BRINP3: variants seen among roughly 807,000 people sequenced by gnomAD.
The protein encoded by BRINP3 is BMP/retinoic acid-inducible neural-specific protein 3.
BRINP3 carries 19 observed loss-of-function variants against 71.0 expected under a neutral mutation model. The observed-to-expected ratio is 0.27, with a 90% CI of 0.19 to 0.39. BRINP3 has a LOEUF of 0.39. Ranked by LOEUF, BRINP3 falls within the 10% of genes least tolerant of loss-of-function variation. The pLI is 1.00. For missense variants in BRINP3, 959 were observed against 940.8 expected (o/e 1.02, Z -0.25); for synonymous variants, 380 against 337.7 (o/e 1.13, Z -1.37).
At chr1:190,313,721 T>C (rs544365544) in intron 2 of BRINP3, among the ~76,000 whole-genome samples, 173 of 152,134 alleles carry the variant, frequency 1.1e-3, no homozygotes, top group African/African-American at 3.2e-3. Context: ...GGATTCTTCT[T>C]ATATTTCAAA....
chr1:190,164,270 A>G (rs541785093), intron 6 of BRINP3, among the ~76,000 whole-genome samples: 1 of 152,302 alleles, frequency 6.6e-6, no homozygotes, highest in East Asian at 1.9e-4. Flanking sequence ...TAAGTTTTCT[A>G]GAGTTTTGAG....
intron 4 of BRINP3, among the ~76,000 whole-genome samples, chr1:190,252,787 T>C (rs138231916): frequency 6.6e-6 from 1 of 152,052 alleles, no homozygotes; most frequent in East Asian, 1.9e-4. Flanking sequence ...ATTATTATTA[T>C]TATTATTATT....
At chr1:190,456,285 A>G (rs1558303546) in intron 1 of BRINP3, among the ~76,000 whole-genome samples, 1 of 152,210 alleles carries the variant, frequency 6.6e-6, no homozygotes, top group Non-Finnish European at 1.5e-5. Context: ...TGAACTCTTA[A>G]TATCACGATA....
chr1:190,413,792 A>G, intron 2 of BRINP3, among the ~76,000 whole-genome samples: 1 of 152,186 alleles, frequency 6.6e-6, no homozygotes, highest in East Asian at 1.9e-4. Context: ...AGAGAAACTA[A>G]CATACCATCT....
At chr1:190,463,935 C>T (rs969428315) in intron 1 of BRINP3, among the ~76,000 whole-genome samples, 3 of 151,768 alleles carry the variant, frequency 2.0e-5, no homozygotes, top group Admixed American at 6.6e-5. Context: ...GTAGGCCATT[C>T]GTCCTATAAA....
chr1:190,472,058 T>A (rs144343555), intron 1 of BRINP3, among the ~76,000 whole-genome samples: 4 of 151,730 alleles, frequency 2.6e-5, no homozygotes, highest in Non-Finnish European at 5.9e-5. Flanking sequence ...TACAAGTTTA[T>A]CAAAAATGTC....
At chr1:190,229,694 A>C (rs1657770501) in intron 5 of BRINP3, among the ~76,000 whole-genome samples, 1 of 150,938 alleles carries the variant, frequency 6.6e-6, no homozygotes, top group South Asian at 2.1e-4. Flanking sequence ...ACACACAAAG[A>C]AACCACTAGC....
At chr1:190,460,906 C>A (rs891422018) in intron 1 of BRINP3, among the ~76,000 whole-genome samples, 1 of 152,100 alleles carries the variant, frequency 6.6e-6, no homozygotes, top group Non-Finnish European at 1.5e-5. Context: ...TTTTTCTCCA[C>A]CCCCATTTTA....
intron 4 of BRINP3, among the ~76,000 whole-genome samples, chr1:190,264,596 T>C (rs1359633667): frequency 1.3e-5 from 2 of 152,204 alleles, no homozygotes; most frequent in Non-Finnish European, 2.9e-5. Context: ...GGAGTCTGTG[T>C]ACCCCAAGAT....
intron 2 of BRINP3, among the ~76,000 whole-genome samples, chr1:190,321,893 ATGT>A (rs1666271425): frequency 6.6e-6 from 1 of 152,070 alleles, no homozygotes; most frequent in Non-Finnish European, 1.5e-5. Flanking sequence ...TTTAAAAATG[ATGT>A]TGTTGTTCAT....
chr1:190,472,356 GAA>G (rs1219504287), intron 1 of BRINP3, among the ~76,000 whole-genome samples: 1 of 151,172 alleles, frequency 6.6e-6, no homozygotes. Flanking sequence ...CGATGTGAAA[GAA>G]AAAAACATTA....
At chr1:190,353,944 C>T (rs2102065235) in intron 2 of BRINP3, among the ~76,000 whole-genome samples, 1 of 152,062 alleles carries the variant, frequency 6.6e-6, no homozygotes, top group Non-Finnish European at 1.5e-5. Context: ...GAACACAAAT[C>T]TGATCGTATA....
At chr1:190,472,452 A>AT (rs1001297752) in intron 1 of BRINP3, among the ~76,000 whole-genome samples, 2 of 151,578 alleles carry the variant, frequency 1.3e-5, no homozygotes, top group African/African-American at 4.8e-5. Flanking sequence ...AAGAAAAAAT[A>AT]TTTTTTTTCT....
At chr1:190,315,444 C>G (rs1047109746) in intron 2 of BRINP3, among the ~76,000 whole-genome samples, 1 of 152,220 alleles carries the variant, frequency 6.6e-6, no homozygotes, top group Non-Finnish European at 1.5e-5. Context: ...CTGCAGATAA[C>G]ACCAGACAAC....
chr1:190,319,936 T>C (rs979139004), intron 2 of BRINP3, among the ~76,000 whole-genome samples: 3 of 152,128 alleles, frequency 2.0e-5, no homozygotes, highest in Admixed American at 6.6e-5. Context: ...AAAGATGTCA[T>C]TTTTAAATTT....
In BRINP3 at chr1:190,145,003, T is replaced by C. The variant is rs570288464; in HGVS notation, c.1184+15665A>G. Among the ~76,000 whole-genome samples the C allele has an allele frequency of 1.3e-5, 2 of 152,334 alleles. 1 individual carries two copies. Among genetic ancestry groups the C allele is most frequent in the South Asian group, 4.1e-4 (2 of 4,828 alleles). ...GTAAACACAATGACAACCACATAGA[T>C]ACCTAACCCCTGGCATGTCCTTTTT... On this transcript the variant is annotated intron_variant, in intron 7 of 7. Transcript: ENST00000367462.
intron 2 of BRINP3, among the ~76,000 whole-genome samples, chr1:190,306,436 T>C (rs1184343767): frequency 1.3e-5 from 2 of 151,778 alleles, no homozygotes; most frequent in Non-Finnish European, 2.9e-5. Flanking sequence ...GAAAGGAGTT[T>C]TAGAGAAAAT....
intron 4 of BRINP3, among the ~76,000 whole-genome samples, chr1:190,248,440 A>T (rs1042038596): frequency 6.6e-6 from 1 of 151,636 alleles, no homozygotes; most frequent in African/African-American, 2.4e-5. Context: ...ACTCTATTCC[A>T]TAATGTGCCA....
chr1:190,256,064 G>A (rs540138061), intron 4 of BRINP3, among the ~76,000 whole-genome samples: 2 of 152,294 alleles, frequency 1.3e-5, no homozygotes, highest in East Asian at 1.9e-4. Context: ...CAGTTTCCAT[G>A]TAGTTGTGTG....
Sources: gnomAD v4.1 joint callset for allele counts (sites outside exome capture counted in the v4.1 genomes callset) on GRCh38, gnomAD v4.1.1 for gene constraint, MANE v1.5 for transcripts, NCBI Gene and HGNC (gene_info 2026-07-23, HGNC 2026-07-21) for gene names.